Variants in NECAB1 observed in about 807,000 individuals in gnomAD.
NECAB1 encodes N-terminal EF-hand calcium-binding protein 1.
In NECAB1, 29 loss-of-function variants were observed where a neutral mutation model predicts 57.5. The ratio of observed to expected loss-of-function variants is 0.50; its 90% CI spans 0.38 to 0.69. NECAB1 has a LOEUF of 0.69. Among genes scored for constraint, NECAB1 ranks in the 30% least tolerant of loss-of-function variants. The probability of loss-of-function intolerance (pLI) is 0.00; values close to 1 mark genes in which losing one functional copy is unlikely to be tolerated. For synonymous variants in NECAB1, 142 were observed against 147.7 expected, an observed-to-expected ratio of 0.96 and a Z score of 0.28; for missense variants, 372 against 413.8, an observed-to-expected ratio of 0.90 and a Z score of 0.88.
intron 2 of NECAB1, among the ~76,000 whole-genome samples, chr8:90,804,381 G>T (rs984413842): frequency 6.6e-6 from 1 of 151,964 alleles, no homozygotes; most frequent in Non-Finnish European, 1.5e-5. Flanking sequence ...AAGGAGTAGG[G>T]AGGTAATAGT....
intron 3 of NECAB1, among the ~76,000 whole-genome samples, chr8:90,863,731 T>A (rs1398668308): frequency 6.6e-6 from 1 of 152,158 alleles, no homozygotes; most frequent in Non-Finnish European, 1.5e-5. Context: ...TTTCTTTTTT[T>A]TAGTTAAAAT....
chr8:90,902,235 C>T (rs1288781493), intron 5 of NECAB1, among the ~76,000 whole-genome samples: 3 of 152,126 alleles, frequency 2.0e-5, no homozygotes. Flanking sequence ...GCCTGGACAA[C>T]AGGGTGAAAC....
At chr8:90,857,889 T>C (rs1314300931) in intron 3 of NECAB1, among the ~76,000 whole-genome samples, 1 of 152,154 alleles carries the variant, frequency 6.6e-6, no homozygotes, top group Non-Finnish European at 1.5e-5. Context: ...TATCAAAATA[T>C]AGGTTTATGA....
intron 1 of NECAB1, among the ~76,000 whole-genome samples, chr8:90,793,917 T>TTATG (rs2130635840): frequency 6.6e-6 from 1 of 152,350 alleles, no homozygotes; most frequent in East Asian, 1.9e-4. Context: ...TCATTTTTTA[T>TTATG]TATGTATGCA....
intron 5 of NECAB1, among the ~76,000 whole-genome samples, chr8:90,890,168 C>T (rs746936228): frequency 2.0e-5 from 3 of 152,222 alleles, no homozygotes; most frequent in Non-Finnish European, 2.9e-5. Flanking sequence ...GTAATCCCTA[C>T]AATCCCCATA....
intron 3 of NECAB1, among the ~76,000 whole-genome samples, chr8:90,865,902 G>A (rs1033770787): frequency 3.3e-5 from 5 of 152,150 alleles, no homozygotes; most frequent in Non-Finnish European, 5.9e-5. Flanking sequence ...ACTCAGTTTA[G>A]TTGGTATCTG....
intron 3 of NECAB1, among the ~76,000 whole-genome samples, chr8:90,833,075 C>T (rs1812317769): frequency 6.6e-6 from 1 of 152,012 alleles, no homozygotes; most frequent in African/African-American, 2.4e-5. Flanking sequence ...AGGGTTTTTA[C>T]AGTGTGGGAG....
intron 12 of NECAB1, 121 bp downstream of exon 12, chr8:90,951,325 T>C: frequency 1.8e-6 from 1 of 565,312 alleles, no homozygotes; most frequent in Non-Finnish European, 3.0e-6. Flanking sequence ...ATTTATTTCT[T>C]TATATATTTT....
intron 9 of NECAB1, among the ~76,000 whole-genome samples, chr8:90,938,900 T>C (rs909002900): frequency 6.6e-6 from 1 of 152,240 alleles, no homozygotes; most frequent in Non-Finnish European, 1.5e-5. Flanking sequence ...CTGGTTCTTA[T>C]GGTCTCACAT....
chr8:90,832,893 T>C (rs1280913887), intron 3 of NECAB1, among the ~76,000 whole-genome samples: 2 of 152,312 alleles, frequency 1.3e-5, no homozygotes, highest in African/African-American at 2.4e-5. Context: ...TTATATTTCA[T>C]GTATCAGAAA....
At chr8:90,861,836 C>T (rs577832316) in intron 3 of NECAB1, among the ~76,000 whole-genome samples, 1 of 152,258 alleles carries the variant, frequency 6.6e-6, no homozygotes, top group East Asian at 1.9e-4. Context: ...ACCCAGATCT[C>T]TTGATTCTCT....
intron 5 of NECAB1, among the ~76,000 whole-genome samples, chr8:90,904,594 G>A (rs1415955959): frequency 6.6e-6 from 1 of 151,900 alleles, no homozygotes; most frequent in Non-Finnish European, 1.5e-5. Flanking sequence ...CAAAGATTTA[G>A]AAAATAGAAA....
intron 6 of NECAB1, among the ~76,000 whole-genome samples, chr8:90,922,403 G>A (rs1248617084): frequency 5.3e-5 from 8 of 151,094 alleles, no homozygotes; most frequent in Non-Finnish European, 1.2e-4. Context: ...AGTTTAGACA[G>A]CTTAGATTTC....
chr8:90,952,231 A>G (rs1211424136), intron 12 of NECAB1, among the ~76,000 whole-genome samples: 1 of 152,074 alleles, frequency 6.6e-6, no homozygotes, highest in Non-Finnish European at 1.5e-5. Context: ...GAAAAAAAAA[A>G]AAACCTGCAC....
At chr8:90,917,691 A>G in intron 6 of NECAB1, 63 bp downstream of exon 6, 1 of 1,487,984 alleles carries the variant, frequency 6.7e-7, no homozygotes, top group Admixed American at 2.1e-5. Context: ...AAAACAATTG[A>G]GAGGCATTGT....
intron 4 of NECAB1, among the ~76,000 whole-genome samples, chr8:90,875,599 CT>C (rs1472637464): frequency 6.7e-6 from 1 of 149,252 alleles, no homozygotes; most frequent in Non-Finnish European, 1.5e-5. Context: ...TGTAAGAAAG[CT>C]TTGTGAGGAA....
At chr8:90,899,297 G>A (rs1809440666) in intron 5 of NECAB1, among the ~76,000 whole-genome samples, 1 of 152,166 alleles carries the variant, frequency 6.6e-6, no homozygotes, top group Non-Finnish European at 1.5e-5. Context: ...GTCCCTTGGT[G>A]ACTGCCATAG....
intron 3 of NECAB1, among the ~76,000 whole-genome samples, chr8:90,845,064 A>G (rs148510720): frequency 9.6e-4 from 146 of 152,312 alleles, no homozygotes; most frequent in African/African-American, 3.4e-3. Context: ...CCCTGTTGCT[A>G]ATGGAAGGTC....
At chr8:90,919,222 G>A (rs1444410656) in intron 6 of NECAB1, among the ~76,000 whole-genome samples, 1 of 152,158 alleles carries the variant, frequency 6.6e-6, no homozygotes, top group Non-Finnish European at 1.5e-5. Flanking sequence ...GCAAGCTAGA[G>A]AAGCTTGCAA....
Sources: allele counts gnomAD v4.1 joint callset (sites outside exome capture counted in the v4.1 genomes callset), GRCh38; gene constraint gnomAD v4.1.1; transcripts MANE v1.5; gene names NCBI Gene and HGNC (gene_info 2026-07-23, HGNC 2026-07-21).